The following LRMDA variants were observed in gnomAD, a reference collection of about 807,000 sequenced individuals.
LRMDA encodes leucine-rich melanocyte differentiation-associated protein.
Under a neutral mutation model 29.8 loss-of-function variants are expected in LRMDA, and 18 were observed. The ratio of observed to expected loss-of-function variants is 0.60; its 90% CI spans 0.42 to 0.90. The LOEUF (loss-of-function observed/expected upper bound fraction) is 0.90. Ranked by LOEUF, LRMDA falls within the 40% of genes least tolerant of loss-of-function variation. The pLI is 0.00. For synonymous variants in LRMDA, 125 were observed against 109.4 expected (o/e 1.14, Z -0.89); for missense variants, 273 against 273.9 (o/e 1.00, Z 0.02).
At chr10:76,445,846 A>G (rs2132295552) in intron 6 of LRMDA, among the ~76,000 whole-genome samples, 2 of 152,306 alleles carry the variant, frequency 1.3e-5, no homozygotes, top group Non-Finnish European at 2.9e-5. Context: ...AGTAATGGAG[A>G]AAAATATAAT....
At chr10:76,267,248 A>G (rs1043938926) in intron 5 of LRMDA, among the ~76,000 whole-genome samples, 2 of 152,036 alleles carry the variant, frequency 1.3e-5, no homozygotes, top group Admixed American at 1.3e-4. Context: ...TTCACATACT[A>G]TATTGTTTGC....
In LRMDA at chr10:76,421,567, A is replaced by G. The variant is rs959223915; in HGVS notation, c.601+97082A>G. Among the ~76,000 whole-genome samples the G allele has an allele frequency of 2.6e-4, 40 of 152,164 alleles. 1 individual carries two copies. Among genetic ancestry groups the G allele is most frequent in the Non-Finnish European group, 5.7e-4 (39 of 68,014 alleles). ...TTGTGACACAGCCGCCCTTTTTCTA[A>G]TAGTCTCAATTATGTCTCATTTGTT... On this transcript the variant is annotated intron_variant, in intron 6 of 6. Coordinates refer to ENST00000611255, the MANE Select transcript of LRMDA (RefSeq NM_001305581.2).
At chr10:75,775,324 C>T (rs1843297520) in intron 2 of LRMDA, among the ~76,000 whole-genome samples, 1 of 152,228 alleles carries the variant, frequency 6.6e-6, no homozygotes, top group South Asian at 2.1e-4. Context: ...GGTGCAACCA[C>T]AGCACACTAC....
chr10:75,489,279 G>A (rs1329484383), intron 2 of LRMDA, among the ~76,000 whole-genome samples: 1 of 151,216 alleles, frequency 6.6e-6, no homozygotes, highest in Non-Finnish European at 1.5e-5. Context: ...ATAAAATGGA[G>A]TGTTGCTGAA....
At chr10:75,601,170 G>A (rs1314290150) in intron 2 of LRMDA, 5 of 152,166 alleles carry the variant, frequency 3.3e-5, no homozygotes, top group South Asian at 2.1e-4. Context: ...GGGACTCTGC[G>A]TGTTTGCTAA....
At chr10:76,235,602 G>A (rs1331855406) in intron 5 of LRMDA, among the ~76,000 whole-genome samples, 1 of 152,136 alleles carries the variant, frequency 6.6e-6, no homozygotes, top group Admixed American at 6.5e-5. Flanking sequence ...TGGGTGTGGT[G>A]TCACCTCTAT....
At chr10:75,963,636 A>T (rs1225459305) in intron 2 of LRMDA, among the ~76,000 whole-genome samples, 3 of 152,206 alleles carry the variant, frequency 2.0e-5, no homozygotes, top group Admixed American at 2.0e-4. Context: ...TAACTTGGTG[A>T]ATCTGGGAAG....
At chr10:76,411,270 T>C (rs1841958369) in intron 6 of LRMDA, among the ~76,000 whole-genome samples, 1 of 152,186 alleles carries the variant, frequency 6.6e-6, no homozygotes. Flanking sequence ...TGGAGATGCG[T>C]AAAGGGCACC....
intron 5 of LRMDA, among the ~76,000 whole-genome samples, chr10:76,107,375 T>G (rs1849504265): frequency 6.6e-6 from 1 of 152,214 alleles, no homozygotes; most frequent in Admixed American, 6.5e-5. Flanking sequence ...GGACCACATT[T>G]CAGAACCAGC....
At chr10:75,545,446 T>A (rs1840068261) in intron 2 of LRMDA, among the ~76,000 whole-genome samples, 1 of 152,212 alleles carries the variant, frequency 6.6e-6, no homozygotes, top group Non-Finnish European at 1.5e-5. Flanking sequence ...GGCTTGTTGC[T>A]TAACCTTTCT....
rs532811941 is a variant in LRMDA at position 76,400,679 on chromosome 10, T to C, written c.601+76194T>C. ...TCGTTACCATTTCCTGGATTTTCTT[T>C]ATGACTAAATCTCACATCTTTTTTA... On this transcript the variant is annotated intron_variant, in intron 6 of 6. Transcript: ENST00000611255. Among the ~76,000 whole-genome samples, 131 of 152,312 alleles carry C rather than the reference T, an allele frequency of 8.6e-4. 1 individual carries two copies. Among genetic ancestry groups the C allele is most frequent in the Admixed American group, 1.6e-3 (25 of 15,304 alleles).
chr10:75,816,792 G>A (rs1333058487), intron 2 of LRMDA, among the ~76,000 whole-genome samples: 3 of 152,152 alleles, frequency 2.0e-5, no homozygotes, highest in Non-Finnish European at 4.4e-5. Context: ...AAGAAATTGG[G>A]AAGCTCTCTG....
chr10:75,914,568 A>G (rs779896221), intron 2 of LRMDA, among the ~76,000 whole-genome samples: 1 of 152,134 alleles, frequency 6.6e-6, no homozygotes, highest in African/African-American at 2.4e-5. Context: ...AATATCAGAG[A>G]CCCATTTTCT....
intron 6 of LRMDA, among the ~76,000 whole-genome samples, chr10:76,333,549 G>A (rs967352842): frequency 6.6e-6 from 1 of 152,182 alleles, no homozygotes; most frequent in African/African-American, 2.4e-5. Flanking sequence ...AGCAGGAGTG[G>A]GGGCCATGCA....
intron 6 of LRMDA, among the ~76,000 whole-genome samples, chr10:76,545,671 A>ATTGTTG (rs547861050): frequency 6.9e-6 from 1 of 144,506 alleles, no homozygotes; most frequent in African/African-American, 2.6e-5. Context: ...TATTATTATT[A>ATTGTTG]TTGTTATTAT....
At chr10:76,364,009 G>A (rs1029701690) in intron 6 of LRMDA, among the ~76,000 whole-genome samples, 1 of 152,062 alleles carries the variant, frequency 6.6e-6, no homozygotes, top group African/African-American at 2.4e-5. Context: ...ATGATTGCAT[G>A]ATTTCCATAT....
intron 6 of LRMDA, among the ~76,000 whole-genome samples, chr10:76,465,750 A>C (rs1842558372): frequency 6.6e-6 from 1 of 152,126 alleles, no homozygotes; most frequent in Non-Finnish European, 1.5e-5. Context: ...GGAGGCTGGA[A>C]GCCTAAGATC....
At chr10:75,966,460 T>C (rs2132434067) in intron 2 of LRMDA, among the ~76,000 whole-genome samples, 1 of 152,374 alleles carries the variant, frequency 6.6e-6, no homozygotes, top group South Asian at 2.1e-4. Context: ...GGGAACAGCA[T>C]GCAGCAAGTC....
chr10:75,716,873 G>A (rs1031244314), intron 2 of LRMDA, among the ~76,000 whole-genome samples: 3 of 152,148 alleles, frequency 2.0e-5, no homozygotes, highest in African/African-American at 7.2e-5. Context: ...ATGGGGCAGC[G>A]AAAAGTATGA....
Sources: gnomAD v4.1 joint callset for allele counts (sites outside exome capture counted in the v4.1 genomes callset) on GRCh38, gnomAD v4.1.1 for gene constraint, MANE v1.5 for transcripts, NCBI Gene and HGNC (gene_info 2026-07-23, HGNC 2026-07-21) for gene names.